CRYBG1: variants seen among roughly 807,000 people sequenced by gnomAD.
The protein encoded by CRYBG1 is beta/gamma crystallin domain-containing protein 1.
CRYBG1 carries 139 observed loss-of-function variants against 189.2 expected under a neutral mutation model. The observed-to-expected ratio is 0.73, with a 90% CI of 0.64 to 0.85. The LOEUF (loss-of-function observed/expected upper bound fraction) is 0.85, where lower values mean the gene tolerates loss of function less well. Among genes scored for constraint, CRYBG1 ranks in the 40% least tolerant of loss-of-function variants. The pLI, the probability that CRYBG1 is intolerant of heterozygous loss-of-function variation, is 0.00. For missense variants in CRYBG1, 2,611 were observed against 2,675.8 expected (o/e 0.98, Z 0.53); for synonymous variants, 1,023 against 1,017.1 (o/e 1.01, Z -0.11).
At chr6:106,372,518 C>G (rs1463570345) in intron 1 of CRYBG1, among the ~76,000 whole-genome samples, 1 of 152,212 alleles carries the variant, frequency 6.6e-6, no homozygotes, top group Non-Finnish European at 1.5e-5. Flanking sequence ...TCCCAAAATG[C>G]TGGGATTACA....
At chr6:106,384,418 A>G (rs1012776631) in intron 1 of CRYBG1, among the ~76,000 whole-genome samples, 1 of 152,194 alleles carries the variant, frequency 6.6e-6, no homozygotes, top group African/African-American at 2.4e-5. Flanking sequence ...ATTGTAATAT[A>G]TAATGAAATA....
intron 1 of CRYBG1, among the ~76,000 whole-genome samples, chr6:106,423,695 C>CTTTTTTTTTTTTT (rs869170326): frequency 2.3e-5 from 1 of 42,918 alleles, no homozygotes; most frequent in Admixed American, 3.0e-4. Context: ...TCTCCCTCCC[C>CTTTTTTTTTTTTT]TTTTTTTTTT....
chr6:106,433,400 T>G (rs2114407580), intron 1 of CRYBG1, among the ~76,000 whole-genome samples: 1 of 152,248 alleles, frequency 6.6e-6, no homozygotes, highest in East Asian at 1.9e-4. Context: ...TTCCCTATGC[T>G]TTGGGATCTG....
At chr6:106,503,415 G>A (rs546862440) in intron 2 of CRYBG1, among the ~76,000 whole-genome samples, 3 of 152,296 alleles carry the variant, frequency 2.0e-5, no homozygotes, top group South Asian at 2.1e-4. Flanking sequence ...GCATGGCCTA[G>A]GAGAAAGCAT....
chr6:106,462,280 C>T (rs912919239), intron 2 of CRYBG1, among the ~76,000 whole-genome samples: 3 of 152,308 alleles, frequency 2.0e-5, no homozygotes, highest in Admixed American at 6.5e-5. Flanking sequence ...ACGCCATTCT[C>T]CCGCCTCAGC....
intron 2 of CRYBG1, among the ~76,000 whole-genome samples, chr6:106,503,042 G>A (rs926045033): frequency 1.3e-5 from 2 of 152,294 alleles, no homozygotes; most frequent in African/African-American, 4.8e-5. Flanking sequence ...AGGCCTGAAG[G>A]AGCAAGAGGG....
intron 2 of CRYBG1, among the ~76,000 whole-genome samples, chr6:106,457,477 CAT>C (rs1177010111): frequency 6.6e-6 from 1 of 152,188 alleles, no homozygotes; most frequent in Non-Finnish European, 1.5e-5. Context: ...TAAATTTCCA[CAT>C]GAGTTTTGTA....
chr6:106,477,630 G>A (rs1231821556), intron 2 of CRYBG1, among the ~76,000 whole-genome samples: 1 of 152,156 alleles, frequency 6.6e-6, no homozygotes, highest in Non-Finnish European at 1.5e-5. Flanking sequence ...ATCTCTCTCT[G>A]AGTTACCCCT....
intron 2 of CRYBG1, among the ~76,000 whole-genome samples, chr6:106,469,054 T>C (rs1772170705): frequency 6.6e-6 from 1 of 152,224 alleles, no homozygotes; most frequent in African/African-American, 2.4e-5. Flanking sequence ...CTGCGTGGCC[T>C]GGCTCCTGCC....
intron 2 of CRYBG1, among the ~76,000 whole-genome samples, chr6:106,505,544 T>C (rs758245019): frequency 3.3e-5 from 5 of 152,152 alleles, no homozygotes; most frequent in African/African-American, 1.2e-4. Flanking sequence ...TTTCTGTGTG[T>C]GTTTCTCCTT....
At chr6:106,408,674 A>G (rs548029962) in intron 1 of CRYBG1, among the ~76,000 whole-genome samples, 1 of 152,342 alleles carries the variant, frequency 6.6e-6, no homozygotes, top group African/African-American at 2.4e-5. Context: ...ATCCACCACG[A>G]TCAAGTTGGC....
At chr6:106,417,428 C>G (rs1191274832) in intron 1 of CRYBG1, among the ~76,000 whole-genome samples, 1 of 152,128 alleles carries the variant, frequency 6.6e-6, no homozygotes, top group African/African-American at 2.4e-5. Context: ...ACCCTATTCC[C>G]AGCCTTGTTG....
At chr6:106,404,920 C>T (rs1770793820) in intron 1 of CRYBG1, among the ~76,000 whole-genome samples, 1 of 152,104 alleles carries the variant, frequency 6.6e-6, no homozygotes, top group African/African-American at 2.4e-5. Flanking sequence ...GCCTACACCA[C>T]CAGGACCTTG....
chr6:106,406,506 G>A (rs1315250700), intron 1 of CRYBG1, among the ~76,000 whole-genome samples: 2 of 152,182 alleles, frequency 1.3e-5, no homozygotes, highest in African/African-American at 2.4e-5. Context: ...AGCAAGGCAG[G>A]CCAACATTCA....
chr6:106,410,051 C>T (rs998206073), intron 1 of CRYBG1, among the ~76,000 whole-genome samples: 9 of 152,180 alleles, frequency 5.9e-5, no homozygotes, highest in Non-Finnish European at 7.3e-5. Flanking sequence ...AGAACTGCTG[C>T]ACAGCAAAAG....
intron 2 of CRYBG1, among the ~76,000 whole-genome samples, chr6:106,478,522 T>C (rs1772380784): frequency 6.6e-6 from 1 of 152,244 alleles, no homozygotes; most frequent in Non-Finnish European, 1.5e-5. Flanking sequence ...CAATGGAAAG[T>C]GTGTCCACAT....
intron 1 of CRYBG1, among the ~76,000 whole-genome samples, chr6:106,375,413 G>GTAAA (rs1491094293): frequency 0.012 from 1,679 of 140,338 alleles, 15 homozygotes; most frequent in Middle Eastern, 0.053. Flanking sequence ...AAGTAAGTAA[G>GTAAA]TAAGTAAGTA....
At chr6:106,398,866 C>T (rs534674938) in intron 1 of CRYBG1, among the ~76,000 whole-genome samples, 6 of 152,202 alleles carry the variant, frequency 3.9e-5, no homozygotes, top group South Asian at 2.1e-4. Context: ...TCCTTAAAGA[C>T]AAGTGCCATC....
In CRYBG1 at chr6:106,555,907, T is replaced by G. The variant is rs893986660; in HGVS notation, c.5715+10T>G. ...TCGTTTTATAGATGTTGTAAGTATGTCATTGTGAATAGTGTTGCAGAAATG... is the reference window on the plus strand; with the variant it reads ...TCGTTTTATAGATGTTGTAAGTATGGCATTGTGAATAGTGTTGCAGAAATG... On this transcript the variant is annotated intron_variant, in intron 17 of 21. Transcript: ENST00000633556. The G allele has an allele frequency of 6.2e-7, 1 of 1,614,038 alleles. No individual in the cohort carries two copies. Among genetic ancestry groups the G allele is most frequent in the Non-Finnish European group, 8.5e-7 (1 of 1,179,976 alleles).
Sources: gnomAD v4.1 joint callset for allele counts (sites outside exome capture counted in the v4.1 genomes callset) on GRCh38, gnomAD v4.1.1 for gene constraint, MANE v1.5 for transcripts, NCBI Gene and HGNC (gene_info 2026-07-23, HGNC 2026-07-21) for gene names.